RAP1GAP2: variants seen among roughly 807,000 people sequenced by gnomAD.
RAP1GAP2 encodes RAP1 GTPase activating protein 2.
RAP1GAP2 carries 27 observed loss-of-function variants against 95.0 expected under a neutral mutation model. The ratio of observed to expected loss-of-function variants is 0.28; its 90% CI spans 0.21 to 0.39. RAP1GAP2 has a LOEUF of 0.39. Ranked by LOEUF, RAP1GAP2 falls within the 10% of genes least tolerant of loss-of-function variation. RAP1GAP2 has a pLI of 1.00. For missense variants in RAP1GAP2, 771 were observed against 970.0 expected (o/e 0.79, Z 2.72); for synonymous variants, 373 against 380.9 (o/e 0.98, Z 0.24).
intron 1 of RAP1GAP2, among the ~76,000 whole-genome samples, chr17:2,780,249 C>T (rs533546020): frequency 6.6e-6 from 1 of 152,292 alleles, no homozygotes; most frequent in Non-Finnish European, 1.5e-5. Context: ...CAGGGTTTCT[C>T]CATGTTGGTC....
chr17:2,926,435 A>G (rs987267946), intron 3 of RAP1GAP2, among the ~76,000 whole-genome samples: 4 of 152,200 alleles, frequency 2.6e-5, no homozygotes, highest in Admixed American at 2.6e-4. Context: ...AGTTACAACA[A>G]TAAAGCTCAC....
intron 2 of RAP1GAP2, among the ~76,000 whole-genome samples, chr17:2,878,732 C>T (rs1278197431): frequency 5.9e-5 from 9 of 152,236 alleles, no homozygotes; most frequent in East Asian, 1.9e-4. Context: ...TTCTGATGCA[C>T]CTGTCCCAGT....
At chr17:2,802,249 TGGGCAAAGTAC>T (rs922562723) in intron 2 of RAP1GAP2, among the ~76,000 whole-genome samples, 6 of 152,202 alleles carry the variant, frequency 3.9e-5, no homozygotes, top group African/African-American at 1.4e-4. Context: ...TGCAGGTCCC[TGGGCAAAGTAC>T]GGCCAGTCTT....
chr17:3,006,998 A>T (rs117593194), intron 16 of RAP1GAP2, among the ~76,000 whole-genome samples: 3,736 of 152,292 alleles, frequency 0.025, 81 homozygotes, highest in Non-Finnish European at 0.036. Context: ...GAGGTGGCTC[A>T]TGCACAGCTG....
upstream of RAP1GAP2, among the ~76,000 whole-genome samples, chr17:2,776,391 TC>T (rs2068499738): frequency 6.6e-6 from 1 of 150,704 alleles, no homozygotes; most frequent in Non-Finnish European, 1.5e-5. Flanking sequence ...CATTGCATCT[TC>T]CAGGAACCCC....
chr17:2,958,983 C>T (rs1472208316), intron 4 of RAP1GAP2, among the ~76,000 whole-genome samples: 1 of 152,056 alleles, frequency 6.6e-6, no homozygotes, highest in African/African-American at 2.4e-5. Flanking sequence ...GGGAACTTAT[C>T]ATCAGCTTGC....
At chr17:2,872,582 G>A (rs913894277) in intron 2 of RAP1GAP2, among the ~76,000 whole-genome samples, 1 of 152,078 alleles carries the variant, frequency 6.6e-6, no homozygotes, top group African/African-American at 2.4e-5. Flanking sequence ...TCTGTTACCC[G>A]CAGTCATGCG....
intron 2 of RAP1GAP2, among the ~76,000 whole-genome samples, chr17:2,896,378 C>T (rs73976716): frequency 0.023 from 3,555 of 152,240 alleles, 144 homozygotes; most frequent in African/African-American, 0.081. Flanking sequence ...TGCTGTGGTA[C>T]TTGGGCCAGG....
chr17:2,960,832 A>G (rs73976736), intron 4 of RAP1GAP2, among the ~76,000 whole-genome samples: 11,427 of 152,274 alleles, frequency 0.075, 1,483 homozygotes, highest in African/African-American at 0.26. Context: ...GTACCGTCTC[A>G]TACTGTCACC....
At chr17:2,957,675 C>G (rs886112593) in intron 3 of RAP1GAP2, 84 bp from the exon 4 acceptor site, 1 of 1,432,762 alleles carries the variant, frequency 7.0e-7, no homozygotes, top group Non-Finnish European at 9.6e-7. Flanking sequence ...GGCTCAGCTT[C>G]CTGATAGTTG....
upstream of RAP1GAP2, among the ~76,000 whole-genome samples, chr17:2,774,833 T>C (rs61421607): frequency 2.5e-4 from 20 of 81,406 alleles, no homozygotes; most frequent in Non-Finnish European, 3.5e-4. Context: ...TTTTTTTTTT[T>C]TCCCCAAGAT....
rs763604854 is a variant in RAP1GAP2 at position 2,857,141 on chromosome 17, C to T, written c.81-48143C>T. ...ATCACAAGGTGGGGTCAGGCTCAGG[C>T]CCCTTCTTCTCCTCCCAGAAGGCTT... On this transcript the variant is annotated intron_variant, in intron 2 of 24. Coordinates refer to ENST00000254695, the MANE Select transcript of RAP1GAP2 (RefSeq NM_015085.5). The surrounding 1 kb of genome is among the most constrained non-coding windows in gnomAD (Gnocchi z 4.0). Among the ~76,000 whole-genome samples the T allele has an allele frequency of 2.0e-5, 3 of 152,194 alleles. No individual in the cohort carries two copies. Among genetic ancestry groups the T allele is most frequent in the African/African-American group, 4.8e-5 (2 of 41,450 alleles).
chr17:2,773,850 C>T (rs1293536371), upstream of RAP1GAP2, among the ~76,000 whole-genome samples: 3 of 151,894 alleles, frequency 2.0e-5, no homozygotes, highest in Admixed American at 6.6e-5. Context: ...CTCCGCCTCC[C>T]GGGTTTAAGC....
At chr17:3,007,494 G>A (rs1434425913) in intron 16 of RAP1GAP2, among the ~76,000 whole-genome samples, 1 of 152,204 alleles carries the variant, frequency 6.6e-6, no homozygotes, top group East Asian at 1.9e-4. Flanking sequence ...AGTGTTGTGG[G>A]ACGTGGGATT....
In RAP1GAP2 at chr17:2,824,721, C is replaced by T. The variant is rs549613965; in HGVS notation, c.80+24171C>T. 1.3e-4 allele frequency among the ~76,000 whole-genome samples: 9 copies of T among 67,626 alleles called. No homozygotes were observed. The Admixed American group carries it at 1.6e-3, about 12-fold the overall frequency. 44.4% of individuals were successfully genotyped at this position (67,626 alleles called of 152,430 possible). A position where few individuals can be genotyped will look rare whatever the true frequency, so the allele number is the denominator to read the frequency against. Reference sequence around the variant, plus strand: ...CGCCATTGCACTCCAGCCTGGGTGACAAAAGCGAAACTCTGTCTCAAAAAA... The same window carrying T: ...CGCCATTGCACTCCAGCCTGGGTGATAAAAGCGAAACTCTGTCTCAAAAAA... On this transcript the variant is annotated intron_variant, in intron 2 of 24. Transcript: ENST00000254695.
intron 18 of RAP1GAP2, among the ~76,000 whole-genome samples, chr17:3,019,755 T>TC (rs1475234304): frequency 6.6e-6 from 1 of 152,118 alleles, no homozygotes; most frequent in Admixed American, 6.5e-5. Context: ...GAGACTCAGG[T>TC]CGGGTCTCAT....
intron 2 of RAP1GAP2, among the ~76,000 whole-genome samples, chr17:2,896,514 C>T (rs1356791890): frequency 6.6e-6 from 1 of 152,210 alleles, no homozygotes; most frequent in Non-Finnish European, 1.5e-5. Flanking sequence ...CTCGGAATCT[C>T]TGCTGGCTTG....
At chr17:2,954,676 C>T (rs2044047497) in intron 3 of RAP1GAP2, among the ~76,000 whole-genome samples, 1 of 152,094 alleles carries the variant, frequency 6.6e-6, no homozygotes, top group Non-Finnish European at 1.5e-5. Context: ...TCACTGCAAC[C>T]TCTGCCTCCC....
chr17:2,856,668 G>A (rs902654140), intron 2 of RAP1GAP2, among the ~76,000 whole-genome samples: 1 of 152,194 alleles, frequency 6.6e-6, no homozygotes, highest in Middle Eastern at 3.2e-3. Context: ...GCCCAGGGAA[G>A]GACCCGGATA....
Sources: gnomAD v4.1 joint callset for allele counts (sites outside exome capture counted in the v4.1 genomes callset) on GRCh38, gnomAD v4.1.1 for gene constraint, Gnocchi (gnomAD v3.1) non-coding constraint, MANE v1.5 for transcripts, NCBI Gene and HGNC (gene_info 2026-07-23, HGNC 2026-07-21) for gene names.